C10orf90: variants seen among roughly 807,000 people sequenced by gnomAD.
C10orf90 encodes chromosome 10 open reading frame 90.
In C10orf90, 56 loss-of-function variants were observed where a neutral mutation model predicts 62.5. The ratio of observed to expected loss-of-function variants is 0.90; its 90% CI spans 0.72 to 1.12. C10orf90 has a LOEUF of 1.12. C10orf90 is among the 50% of genes most tolerant of loss of function. The probability of loss-of-function intolerance (pLI) is 0.00; values close to 1 mark genes in which losing one functional copy is unlikely to be tolerated. For missense variants in C10orf90, 970 were observed against 880.4 expected, an observed-to-expected ratio of 1.10 and a Z score of -1.29; for synonymous variants, 386 against 340.4, an observed-to-expected ratio of 1.13 and a Z score of -1.47.
chr10:126,544,988 C>CT (rs1864458272), intron 2 of C10orf90, among the ~76,000 whole-genome samples: 2 of 152,304 alleles, frequency 1.3e-5, no homozygotes, highest in South Asian at 4.1e-4. Flanking sequence ...TTAAACACCA[C>CT]TCTTGTTTTC....
chr10:126,657,047 C>T (rs1846408926), intron 1 of C10orf90, among the ~76,000 whole-genome samples: 1 of 152,160 alleles, frequency 6.6e-6, no homozygotes, highest in Non-Finnish European at 1.5e-5. Flanking sequence ...CAGGTAAGTG[C>T]AGAGCCAGTT....
At chr10:126,531,141 T>G (rs1192096188) in intron 2 of C10orf90, among the ~76,000 whole-genome samples, 3 of 144,314 alleles carry the variant, frequency 2.1e-5, no homozygotes, top group Non-Finnish European at 4.5e-5. Flanking sequence ...ATCACTGCAC[T>G]CCAGCCTGGC....
intron 2 of C10orf90, among the ~76,000 whole-genome samples, chr10:126,574,205 A>G (rs1394662351): frequency 6.6e-6 from 1 of 152,232 alleles, no homozygotes; most frequent in Non-Finnish European, 1.5e-5. Flanking sequence ...TCACAAAAAT[A>G]TACCATGAAC....
chr10:126,507,725 C>A (rs1396434199), intron 3 of C10orf90, among the ~76,000 whole-genome samples: 1 of 152,108 alleles, frequency 6.6e-6, no homozygotes, highest in Non-Finnish European at 1.5e-5. Context: ...AATGCCCAGG[C>A]CTCATTCCCG....
At position 126,456,321 on chromosome 10, in the gene C10orf90, C is replaced by T. The variant is rs532754114; in HGVS notation, c.2188+2719G>A. ...CCCAAAAGTAAAGCTCTCATCGACA[C>T]ATAAATACGGCAGGGATGGTCAGGG... On this transcript the variant is annotated intron_variant, in intron 7 of 9. Transcript: ENST00000488181. This position sits in a 1 kb window ranked among gnomAD's most constrained non-coding sequence, Gnocchi z 4.9. Among the ~76,000 whole-genome samples, 3 of 152,128 alleles carry T rather than the reference C, an allele frequency of 2.0e-5. No individual in the cohort carries two copies. The highest frequency in any genetic ancestry group is 4.4e-5 in the Non-Finnish European group (3 of 68,026).
intron 4 of C10orf90, among the ~76,000 whole-genome samples, chr10:126,498,471 C>T (rs1450318290): frequency 6.6e-6 from 1 of 152,190 alleles, no homozygotes; most frequent in African/African-American, 2.4e-5. Context: ...TAGCCCTCAC[C>T]ACCACCCCCT....
intron 3 of C10orf90, among the ~76,000 whole-genome samples, chr10:126,512,350 CTG>C (rs61310720): frequency 0.85 from 124,916 of 146,262 alleles, 53,212 homozygotes; most frequent in Middle Eastern, 0.92. Context: ...GTGTGTGTGT[CTG>C]TGTGTGTGTG....
At chr10:126,514,645 C>T (rs1215445224) in intron 2 of C10orf90, among the ~76,000 whole-genome samples, 1 of 152,178 alleles carries the variant, frequency 6.6e-6, no homozygotes, top group African/African-American at 2.4e-5. Flanking sequence ...ATCCACCACA[C>T]CTGCCCTGAG....
At chr10:126,490,022 ATATATAATATATAATATATAT>A (rs1861654782) in intron 4 of C10orf90, among the ~76,000 whole-genome samples, 1 of 49,448 alleles carries the variant, frequency 2.0e-5, no homozygotes, top group African/African-American at 1.0e-4. Context: ...ATTATATATA[ATATATAATATATAATATATAT>A]TATATATTAT....
At chr10:126,562,072 C>T (rs933352633) in intron 2 of C10orf90, among the ~76,000 whole-genome samples, 4 of 152,202 alleles carry the variant, frequency 2.6e-5, no homozygotes, top group African/African-American at 9.7e-5. Context: ...GTTCTCTCCC[C>T]TCTGCCCAAG....
chr10:126,554,729 G>A (rs1028016001), intron 2 of C10orf90, among the ~76,000 whole-genome samples: 20 of 152,136 alleles, frequency 1.3e-4, no homozygotes, highest in African/African-American at 3.9e-4. Flanking sequence ...AGCTAAAAAC[G>A]ACTTCTGATT....
In C10orf90 at chr10:126,616,872, G is replaced by C. The variant is rs149085375; in HGVS notation, c.313+29693C>G. ...TCCCTCTGGGATCCCATGACCTTCA[G>C]TGCCCCAGCAAAGTAGGTCCGCAAC... On this transcript the variant is annotated intron_variant, in intron 2 of 9. Coordinates refer to ENST00000488181, the MANE Select transcript of C10orf90 (RefSeq NM_001350921.2). 9.6e-3 allele frequency among the ~76,000 whole-genome samples: 1,464 copies of C among 152,268 alleles called. 23 individuals carry two copies. The highest frequency in any genetic ancestry group is 0.032 in the African/African-American group (1,326 of 41,560).
intron 2 of C10orf90, among the ~76,000 whole-genome samples, chr10:126,546,063 A>G (rs1864483061): frequency 6.6e-6 from 1 of 152,180 alleles, no homozygotes; most frequent in Non-Finnish European, 1.5e-5. Flanking sequence ...ACTTGAAGCT[A>G]CAGGAACAAG....
chr10:126,646,554 C>T lies in C10orf90; in HGVS notation c.313+11G>A, dbSNP rs1244346414. On this transcript the variant is annotated intron_variant, in intron 2 of 9. Coordinates refer to ENST00000488181, the MANE Select transcript of C10orf90 (RefSeq NM_001350921.2). ...AAGGGAACCCTGCCTGGGCAGGCCC[C>T]AGTCCTTTACCTGCATTGGAAAGAC... 2.3e-6 allele frequency: 1 copy of T among 438,664 alleles called. No homozygotes were observed. The highest frequency in any genetic ancestry group is 2.5e-5 in the Admixed American group (1 of 39,660). The allele number at this position is 438,664 out of a possible 1,614,324, so 27.2% of individuals were successfully genotyped here.
At chr10:126,609,933 G>A (rs1251079511) in intron 2 of C10orf90, among the ~76,000 whole-genome samples, 1 of 152,202 alleles carries the variant, frequency 6.6e-6, no homozygotes, top group Non-Finnish European at 1.5e-5. Flanking sequence ...TCTTGCCTGG[G>A]TAGACCTATT....
chr10:126,608,471 C>T (rs1292730004), intron 2 of C10orf90, among the ~76,000 whole-genome samples: 2 of 152,180 alleles, frequency 1.3e-5, no homozygotes, highest in African/African-American at 4.8e-5. Flanking sequence ...TTATATTTTA[C>T]GATATATGCA....
chr10:126,462,838 C>T, intron 5 of C10orf90, among the ~76,000 whole-genome samples: 1 of 152,218 alleles, frequency 6.6e-6, no homozygotes, highest in East Asian at 1.9e-4. Context: ...GTTCCTATTA[C>T]CTACAAGCCC....
At chr10:126,496,798 G>T in intron 4 of C10orf90, 2 of 795,130 alleles carry the variant, frequency 2.5e-6, no homozygotes, top group Non-Finnish European at 3.0e-6. Context: ...GCTTTGTTGG[G>T]TCATCAACGT....
At chr10:126,625,917 C>A (rs375895164) in intron 2 of C10orf90, among the ~76,000 whole-genome samples, 1 of 151,958 alleles carries the variant, frequency 6.6e-6, no homozygotes, top group Non-Finnish European at 1.5e-5. Context: ...GAGTTAGAAA[C>A]CAGCCTCGCC....
Sources: allele counts gnomAD v4.1 joint callset (sites outside exome capture counted in the v4.1 genomes callset), GRCh38; gene constraint gnomAD v4.1.1; non-coding constraint Gnocchi (gnomAD v3.1); transcripts MANE v1.5; gene names NCBI Gene and HGNC (gene_info 2026-07-23, HGNC 2026-07-21).